TSPAN5: variants seen among roughly 807,000 people sequenced by gnomAD.
TSPAN5 encodes tetraspanin 5.
In TSPAN5, 10 loss-of-function variants were observed where a neutral mutation model predicts 37.1. That is an observed-to-expected ratio of 0.27 (90% CI 0.17 to 0.46). The LOEUF is 0.46. Ranked by LOEUF, TSPAN5 falls within the 20% of genes least tolerant of loss-of-function variation. The pLI, the probability that TSPAN5 is intolerant of heterozygous loss-of-function variation, is 1.00. For missense variants in TSPAN5, 195 were observed against 326.6 expected (o/e 0.60, Z 3.11); for synonymous variants, 110 against 118.9 (o/e 0.93, Z 0.48).
chr4:98,556,490 G>C (rs1269216231), intron 1 of TSPAN5, among the ~76,000 whole-genome samples: 1 of 152,148 alleles, frequency 6.6e-6, no homozygotes, highest in Non-Finnish European at 1.5e-5. Flanking sequence ...ATACGTACCT[G>C]GCAGGGGAGA....
chr4:98,627,924 G>C (rs1756646604), intron 1 of TSPAN5, among the ~76,000 whole-genome samples: 1 of 152,324 alleles, frequency 6.6e-6, no homozygotes, highest in Non-Finnish European at 1.5e-5. Flanking sequence ...GATTGACATA[G>C]ATTTTTTGAA....
chr4:98,489,908 C>A (rs1197029755), intron 2 of TSPAN5, among the ~76,000 whole-genome samples: 57 of 152,136 alleles, frequency 3.7e-4, no homozygotes, highest in Admixed American at 3.7e-3. Flanking sequence ...GAACAAGGAC[C>A]CCCGGTAACA....
chr4:98,626,649 T>C (rs527846157), intron 1 of TSPAN5, among the ~76,000 whole-genome samples: 2 of 152,112 alleles, frequency 1.3e-5, no homozygotes, highest in Non-Finnish European at 2.9e-5. Flanking sequence ...ACCGCTTTCC[T>C]GCAGCTAGCC....
intron 1 of TSPAN5, among the ~76,000 whole-genome samples, chr4:98,648,698 T>C (rs1757119695): frequency 6.6e-6 from 1 of 152,218 alleles, no homozygotes; most frequent in African/African-American, 2.4e-5. Context: ...ACTAGCTTCA[T>C]GTGCTGGTGA....
At chr4:98,493,685 A>G in intron 2 of TSPAN5, among the ~76,000 whole-genome samples, 1 of 152,334 alleles carries the variant, frequency 6.6e-6, no homozygotes, top group Admixed American at 6.5e-5. Context: ...AAATGAATAT[A>G]TTCATAAGAA....
At chr4:98,519,825 T>G (rs1391608483) in intron 1 of TSPAN5, among the ~76,000 whole-genome samples, 1 of 152,186 alleles carries the variant, frequency 6.6e-6, no homozygotes, top group Non-Finnish European at 1.5e-5. Flanking sequence ...TAGCTTAGCA[T>G]TCAGGTTCCA....
intron 1 of TSPAN5, among the ~76,000 whole-genome samples, chr4:98,646,542 T>A (rs1245372007): frequency 6.6e-6 from 1 of 152,108 alleles, no homozygotes; most frequent in African/African-American, 2.4e-5. Flanking sequence ...AGGAGACACT[T>A]TGATTTTGCA....
At chr4:98,524,393 T>C (rs1753916968) in intron 1 of TSPAN5, among the ~76,000 whole-genome samples, 1 of 152,164 alleles carries the variant, frequency 6.6e-6, no homozygotes, top group Non-Finnish European at 1.5e-5. Flanking sequence ...AGCCCACAGT[T>C]TGCCCTTGAG....
chr4:98,573,130 T>C (rs1370663725), intron 1 of TSPAN5, among the ~76,000 whole-genome samples: 1 of 152,216 alleles, frequency 6.6e-6, no homozygotes, highest in African/African-American at 2.4e-5. Flanking sequence ...GTTATTACCA[T>C]ATTTCCTTTA....
chr4:98,474,712 CACCCAG>C (rs1465001681), intron 7 of TSPAN5, among the ~76,000 whole-genome samples: 1 of 152,192 alleles, frequency 6.6e-6, no homozygotes, highest in African/African-American at 2.4e-5. Context: ...CTTGCTCTGT[CACCCAG>C]GTTAGAGTGC....
intron 1 of TSPAN5, among the ~76,000 whole-genome samples, chr4:98,607,939 G>T (rs1472673539): frequency 6.6e-6 from 1 of 152,058 alleles, no homozygotes; most frequent in East Asian, 1.9e-4. Context: ...TCAAACTCCT[G>T]ACCGCAAGTG....
chr4:98,638,092 C>A (rs558244367), intron 1 of TSPAN5, among the ~76,000 whole-genome samples: 4 of 152,174 alleles, frequency 2.6e-5, no homozygotes, highest in Non-Finnish European at 5.9e-5. Flanking sequence ...ACCACCCTTG[C>A]GCCTTGCCTC....
chr4:98,645,860 C>A lies in TSPAN5; in HGVS notation c.81+12286G>T, dbSNP rs376861414. 1.8e-4 allele frequency among the ~76,000 whole-genome samples: 27 copies of A among 152,304 alleles called. 1 individual carries two copies. The highest frequency in any genetic ancestry group is 6.5e-4 in the African/African-American group (27 of 41,564). Reference sequence around the variant, plus strand: ...ATACGCTTCTGTTCCTGTTGTGCTACATATATCATTCTTTTTTACTAATAA... The same window carrying A: ...ATACGCTTCTGTTCCTGTTGTGCTAAATATATCATTCTTTTTTACTAATAA... On this transcript the variant is annotated intron_variant, in intron 1 of 7. Coordinates refer to ENST00000305798, the MANE Select transcript of TSPAN5 (RefSeq NM_005723.4).
intron 1 of TSPAN5, among the ~76,000 whole-genome samples, chr4:98,558,442 CA>C (rs1560536879): frequency 6.6e-6 from 1 of 152,144 alleles, no homozygotes; most frequent in African/African-American, 2.4e-5. Flanking sequence ...GATTATTAGG[CA>C]AAAAGTTTTT....
intron 7 of TSPAN5, among the ~76,000 whole-genome samples, chr4:98,474,163 ATAGCAT>A (rs1297990102): frequency 5.9e-5 from 9 of 152,186 alleles, no homozygotes; most frequent in Non-Finnish European, 7.3e-5. Context: ...CTGGAGTTCT[ATAGCAT>A]TAGCTCTTAT....
chr4:98,484,761 A>G, intron 3 of TSPAN5: 1 of 345,778 alleles, frequency 2.9e-6, no homozygotes, highest in South Asian at 2.4e-5. Flanking sequence ...CCGGAGTTCA[A>G]GACCAGCCTG....
intron 1 of TSPAN5, among the ~76,000 whole-genome samples, chr4:98,585,041 AACT>A (rs140299785): frequency 0.011 from 1,643 of 152,348 alleles, 28 homozygotes; most frequent in African/African-American, 0.037. Flanking sequence ...CCTCTGACAG[AACT>A]CAAAGCAAGT....
chr4:98,578,881 C>G (rs910087965), intron 1 of TSPAN5, among the ~76,000 whole-genome samples: 2 of 152,106 alleles, frequency 1.3e-5, no homozygotes, highest in African/African-American at 4.8e-5. Flanking sequence ...ACATATGACA[C>G]CTCCCTAAAG....
chr4:98,594,282 T>C (rs954530707), intron 1 of TSPAN5, among the ~76,000 whole-genome samples: 5 of 121,582 alleles, frequency 4.1e-5, no homozygotes, highest in African/African-American at 2.0e-4. Context: ...TTTTTGTACA[T>C]TGATTTTGTA....
Sources: gnomAD v4.1 joint callset for allele counts (sites outside exome capture counted in the v4.1 genomes callset) on GRCh38, gnomAD v4.1.1 for gene constraint, MANE v1.5 for transcripts, NCBI Gene and HGNC (gene_info 2026-07-23, HGNC 2026-07-21) for gene names.